Variants in HEXD observed in about 807,000 individuals in gnomAD.
HEXD encodes N-acetyl-beta-galactosaminidase.
In HEXD, 47 loss-of-function variants were observed where a neutral mutation model predicts 54.2. The observed-to-expected ratio is 0.87, with a 90% confidence interval of 0.69 to 1.11. HEXD has a LOEUF of 1.11. Among genes scored for constraint, HEXD ranks in the 50% least tolerant of loss-of-function variants. The pLI, the probability that HEXD is intolerant of heterozygous loss-of-function variation, is 0.00. For missense variants in HEXD, 576 were observed against 649.2 expected (o/e 0.89, Z 1.23); for synonymous variants, 293 against 287.6 (o/e 1.02, Z -0.19).
At chr17:82,437,983 T>C (rs892217714) in intron 8 of HEXD, among the ~76,000 whole-genome samples, 1 of 152,200 alleles carries the variant, frequency 6.6e-6, no homozygotes, top group Non-Finnish European at 1.5e-5. Context: ...ATGCCTGTTA[T>C]CCCAGCACTC....
chr17:82,439,973 C>T (rs530417549), intron 9 of HEXD: 30 of 1,473,298 alleles, frequency 2.0e-5, no homozygotes, highest in Middle Eastern at 1.7e-4. Context: ...ACAGTGAATC[C>T]GCAGAAATGC....
intron 2 of HEXD, among the ~76,000 whole-genome samples, chr17:82,422,423 G>A (rs959133531): frequency 6.6e-6 from 1 of 152,004 alleles, no homozygotes; most frequent in African/African-American, 2.4e-5. Context: ...CCTGAACCTG[G>A]GTGGTGGAGG....
chr17:82,437,033 C>T, intron 7 of HEXD, 135 bp from the exon 8 acceptor site: 1 of 803,960 alleles, frequency 1.2e-6, no homozygotes, highest in East Asian at 2.5e-5. Context: ...ACTCTGGAGT[C>T]TCCTACACTG....
At chr17:82,439,581 A>T (rs1308267991) in intron 8 of HEXD, 50 bp from the exon 9 acceptor site, 1 of 1,504,174 alleles carries the variant, frequency 6.6e-7, no homozygotes, top group South Asian at 1.3e-5. Flanking sequence ...CGCCTGCGTC[A>T]GGCTGCTGGG....
At chr17:82,432,713 C>A (rs762454179) in intron 4 of HEXD, among the ~76,000 whole-genome samples, 20 of 151,938 alleles carry the variant, frequency 1.3e-4, no homozygotes, top group Non-Finnish European at 2.4e-4. Context: ...AGTAGCTGGA[C>A]CACAGGCAGG....
At chr17:82,421,543 A>G (rs1567881255) in intron 2 of HEXD, among the ~76,000 whole-genome samples, 1 of 152,160 alleles carries the variant, frequency 6.6e-6, no homozygotes, top group African/African-American at 2.4e-5. Flanking sequence ...AATGAGCAAC[A>G]GGCTGGCCAT....
chr17:82,424,433 C>A lies in HEXD; in HGVS notation c.124C>A (p.Leu42Ile). ...LFRALGANGLLIEYEDMFPYE... is the reference protein window; with the variant it reads ...LFRALGANGLIIEYEDMFPYE... ...CCGTGCGCTAGGTGCAAACGGCCTC[C>A]TCATTGAGTATGAAGACATGTTTCC... is the stretch of plus-strand genomic sequence containing the variant. Residue 42 changes from leucine (L) to isoleucine (I), a missense_variant, in exon 3 of 13, where the codon CTC (leucine) becomes ATC (isoleucine). Physicochemically the swap from Leu to Ile is conservative, Grantham distance 5. Transcript: ENST00000327949. 2 of 1,614,116 alleles carry A rather than the reference C, an allele frequency of 1.2e-6. No individual in the cohort carries two copies. The highest frequency in any genetic ancestry group is 1.7e-6 in the Non-Finnish European group (2 of 1,179,970).
At chr17:82,439,557 G>T in intron 8 of HEXD, 74 bp from the exon 9 acceptor site, 1 of 1,496,430 alleles carries the variant, frequency 6.7e-7, no homozygotes, top group Non-Finnish European at 8.9e-7. Context: ...CAGCAGGGAC[G>T]TCCGAAGTCA....
At position 82,442,233 on chromosome 17, in the gene HEXD, C is replaced by T; in HGVS notation, c.1310C>T (p.Ala437Val). The T allele has an allele frequency of 6.2e-7, 1 of 1,605,668 alleles. No individual in the cohort carries two copies. Among genetic ancestry groups the T allele is most frequent in the Non-Finnish European group, 8.5e-7 (1 of 1,179,814 alleles). ...GAGCTGGAGGCTGCCCTGCAGCTGG[C>T]TTTCTACCCGGATGCCGTGGAGGAG... The part of the protein sequence containing the change: ...VQELEAALQL[A>V]FYPDAVEEWL... The change falls in exon 13 of 13, where the codon GCT becomes GTT. Residue 437 changes from alanine to valine, a missense_variant. Coordinates refer to ENST00000327949, the MANE Select transcript of HEXD (RefSeq NM_001330542.2). This position sits in a 1 kb window ranked among gnomAD's most constrained non-coding sequence, Gnocchi z 6.8.
In HEXD at chr17:82,439,635, G is replaced by A. The variant is rs760083445; in HGVS notation, c.904G>A (p.Asp302Asn). Reference sequence around the variant, plus strand: ...GCGCCCCTCTCATGGACCCAGGTACGACCACTACTCTGTGCTGTGCGAGCT... The same window carrying A: ...GCGCCCCTCTCATGGACCCAGGTACAACCACTACTCTGTGCTGTGCGAGCT... Reference protein sequence around the residue: ...GIILTGWQRYDHYSVLCELLP... With the variant: ...GIILTGWQRYNHYSVLCELLP... Residue 302 changes from aspartate to asparagine, a missense_variant, in exon 9 of 13, where the codon GAC becomes AAC. Transcript: ENST00000327949. The A allele has an allele frequency of 3.9e-6, 6 of 1,553,080 alleles. No individual in the cohort carries two copies. Among genetic ancestry groups the A allele is most frequent in the African/African-American group, 2.7e-5 (2 of 74,010 alleles).
intron 5 of HEXD, among the ~76,000 whole-genome samples, chr17:82,435,384 C>G (rs1404734979): frequency 6.6e-6 from 1 of 152,128 alleles, no homozygotes; most frequent in Non-Finnish European, 1.5e-5. Flanking sequence ...GAAGCCGAGC[C>G]GTGTTCATGG....
At position 82,418,520 on chromosome 17, in the gene HEXD, G is replaced by T. The variant is rs1214230415; in HGVS notation, c.-272G>T. ...CCGCCGCGGAGCCGGGCCGGACGCGGGCGCCAGGCCCGGGGACGAACGCCG... is the reference window on the plus strand; with the variant it reads ...CCGCCGCGGAGCCGGGCCGGACGCGTGCGCCAGGCCCGGGGACGAACGCCG... On this transcript the variant is annotated 5_prime_UTR_variant, in exon 1 of 13. Transcript: ENST00000327949. The T allele has an allele frequency of 7.9e-7, 1 of 1,270,212 alleles. No individual in the cohort carries two copies. The highest frequency in any genetic ancestry group is 1.6e-5 in the African/African-American group (1 of 63,456). The allele number at this position is 1,270,212 out of a possible 1,614,324, so 78.7% of individuals were successfully genotyped here.
intron 4 of HEXD, among the ~76,000 whole-genome samples, chr17:82,431,368 C>G (rs1244269877): frequency 6.6e-6 from 1 of 151,714 alleles, no homozygotes; most frequent in African/African-American, 2.4e-5. Flanking sequence ...CACTATGTTG[C>G]TGGGCTGGTC....
rs1599712930 is a variant in HEXD, at chr17:82,418,586, T to C, written c.-206T>C. Reference sequence around the variant, plus strand: ...GGCAGGCACGGCGCAGGGACGCGAGTGCGACGCGCTCGGCCATCGGCCCCT... The same window carrying C: ...GGCAGGCACGGCGCAGGGACGCGAGCGCGACGCGCTCGGCCATCGGCCCCT... On this transcript the variant is annotated 5_prime_UTR_variant, in exon 1 of 13. Transcript: ENST00000327949. 5.7e-6 allele frequency: 3 copies of C among 522,958 alleles called. No homozygotes were observed. Among genetic ancestry groups the C allele is most frequent in the Non-Finnish European group, 8.5e-6 (3 of 354,884 alleles). The allele number at this position is 522,958 out of a possible 1,614,324, so 32.4% of individuals were successfully genotyped here. A position where few individuals can be genotyped will look rare whatever the true frequency, so the allele number is the denominator to read the frequency against.
chr17:82,429,128 C>T (rs551916839), intron 4 of HEXD, among the ~76,000 whole-genome samples: 13 of 152,034 alleles, frequency 8.6e-5, no homozygotes, highest in African/African-American at 2.9e-4. Context: ...GGCATGGTGG[C>T]GGGCACCTGT....
Position 82,434,718 on chromosome 17 carries a change from A to G in HEXD, c.447+896A>G, listed in dbSNP as rs1212399205. 2.6e-5 allele frequency among the ~76,000 whole-genome samples: 4 copies of G among 151,934 alleles called. No individual in the cohort carries two copies. Among genetic ancestry groups the G allele is most frequent in the Non-Finnish European group, 4.4e-5 (3 of 68,000 alleles). The stretch of plus-strand genomic sequence containing the variant: ...CCGGGCGTGATGGCGGGCGCCTGTA[A>G]TCCCAGCTACTCAGGAGGCTGAGGC... On this transcript the variant is annotated intron_variant, in intron 5 of 12. Transcript: ENST00000327949. The surrounding 1 kb of genome is among the most constrained non-coding windows in gnomAD (Gnocchi z 4.5).
intron 8 of HEXD, 108 bp from the exon 9 acceptor site, chr17:82,439,523 A>G (rs1221612571): frequency 6.8e-7 from 1 of 1,479,080 alleles, no homozygotes; most frequent in African/African-American, 1.4e-5. Context: ...CCCAGCGCTG[A>G]TGTAGCCTAA....
At chr17:82,438,332 G>A (rs2053832488) in intron 8 of HEXD, among the ~76,000 whole-genome samples, 3 of 152,202 alleles carry the variant, frequency 2.0e-5, no homozygotes, top group African/African-American at 7.2e-5. Context: ...TGACCTAGAA[G>A]GCACATGCTG....
At position 82,418,583 on chromosome 17, in the gene HEXD, G is replaced by C. The variant is rs989676568; in HGVS notation, c.-209G>C. ...CGAGGCAGGCACGGCGCAGGGACGCGAGTGCGACGCGCTCGGCCATCGGCC... is the reference window on the plus strand; with the variant it reads ...CGAGGCAGGCACGGCGCAGGGACGCCAGTGCGACGCGCTCGGCCATCGGCC... On this transcript the variant is annotated 5_prime_UTR_variant, in exon 1 of 13. Transcript: ENST00000327949. 9.2e-6 allele frequency: 5 copies of C among 546,318 alleles called. No individual in the cohort carries two copies. Among genetic ancestry groups the C allele is most frequent in the Non-Finnish European group, 1.1e-5 (4 of 373,812 alleles). 33.8% of individuals were successfully genotyped at this position (546,318 alleles called of 1,614,324 possible).
Sources: gnomAD v4.1 joint callset for allele counts (sites outside exome capture counted in the v4.1 genomes callset) on GRCh38, gnomAD v4.1.1 for gene constraint, Gnocchi (gnomAD v3.1) non-coding constraint, MANE v1.5 for transcripts, NCBI Gene and HGNC (gene_info 2026-07-23, HGNC 2026-07-21) for gene names.